SCHIP1: variants seen among roughly 807,000 people sequenced by gnomAD.
SCHIP1 encodes schwannomin-interacting protein 1.
In SCHIP1, 8 loss-of-function variants were observed where a neutral mutation model predicts 29.7. That is an observed-to-expected ratio of 0.27 (90% CI 0.16 to 0.49). The LOEUF is 0.49. SCHIP1 is among the 20% of genes least tolerant of loss of function. The pLI is 0.99. For missense variants in SCHIP1, 193 were observed against 294.6 expected, an observed-to-expected ratio of 0.66 and a Z score of 2.52; for synonymous variants, 76 against 94.9, an observed-to-expected ratio of 0.80 and a Z score of 1.16.
chr3:159,782,200 A>G, the SCHIP1 span, among the ~76,000 whole-genome samples: 1 of 152,242 alleles, frequency 6.6e-6, no homozygotes, highest in Non-Finnish European at 1.5e-5. Flanking sequence ...AGGGTGCTCA[A>G]GCTATGGCAG....
At chr3:159,678,011 T>C in the SCHIP1 span, among the ~76,000 whole-genome samples, 2 of 152,348 alleles carry the variant, frequency 1.3e-5, no homozygotes, top group African/African-American at 4.8e-5. Context: ...CTCAAGCCCA[T>C]CTTCAAAAGA....
At chr3:159,467,419 C>T in the SCHIP1 span, among the ~76,000 whole-genome samples, 1 of 151,246 alleles carries the variant, frequency 6.6e-6, no homozygotes, top group South Asian at 2.1e-4. Context: ...AATAGAGGAA[C>T]CAAAAGCACA....
chr3:159,587,518 G>A, the SCHIP1 span, among the ~76,000 whole-genome samples: 3 of 151,972 alleles, frequency 2.0e-5, no homozygotes, highest in South Asian at 2.1e-4. Flanking sequence ...CGTGCACAAC[G>A]TGCAGGTTTG....
At chr3:159,759,606 C>T in the SCHIP1 span, among the ~76,000 whole-genome samples, 1 of 152,110 alleles carries the variant, frequency 6.6e-6, no homozygotes. Context: ...AGAGATAGGG[C>T]CAGAAACAAA....
chr3:159,282,953 T>G, the SCHIP1 span, among the ~76,000 whole-genome samples: 2 of 151,872 alleles, frequency 1.3e-5, no homozygotes, highest in African/African-American at 4.8e-5. Flanking sequence ...TCTACAATTG[T>G]ATAGTTAAGA....
the SCHIP1 span, among the ~76,000 whole-genome samples, chr3:159,531,277 C>G: frequency 6.6e-6 from 1 of 152,140 alleles, no homozygotes; most frequent in East Asian, 1.9e-4. Context: ...CAAATGATTC[C>G]TAGAGATGTT....
chr3:159,329,742 G>A, the SCHIP1 span, among the ~76,000 whole-genome samples: 4 of 151,904 alleles, frequency 2.6e-5, no homozygotes, highest in African/African-American at 9.7e-5. Context: ...GTTAACAATC[G>A]AAAACTGTAT....
chr3:159,663,993 A>G, the SCHIP1 span, among the ~76,000 whole-genome samples: 1 of 152,244 alleles, frequency 6.6e-6, no homozygotes, highest in Non-Finnish European at 1.5e-5. Context: ...TGTGAAAAAT[A>G]AAAACAAAGT....
At chr3:159,818,686 C>T in the SCHIP1 span, among the ~76,000 whole-genome samples, 1 of 152,250 alleles carries the variant, frequency 6.6e-6, no homozygotes, top group African/African-American at 2.4e-5. Context: ...CTTCATACTG[C>T]AAGCAGCACT....
chr3:159,620,884 C>T, the SCHIP1 span, among the ~76,000 whole-genome samples: 1 of 152,196 alleles, frequency 6.6e-6, no homozygotes, highest in Non-Finnish European at 1.5e-5. Context: ...AATTATTCTT[C>T]TCATGGCATC....
chr3:159,847,393 G>A (rs1054863003), intron 1 of SCHIP1, among the ~76,000 whole-genome samples: 1 of 152,086 alleles, frequency 6.6e-6, no homozygotes, highest in Non-Finnish European at 1.5e-5. Context: ...TGAAATCTTG[G>A]TGTACTTAGT....
the SCHIP1 span, among the ~76,000 whole-genome samples, chr3:159,548,289 T>G: frequency 2.0e-4 from 31 of 152,068 alleles, no homozygotes; most frequent in African/African-American, 7.5e-4. Flanking sequence ...AGTTAGAATT[T>G]TATGTAGTAT....
At chr3:159,829,067 C>G in the SCHIP1 span, among the ~76,000 whole-genome samples, 10 of 152,178 alleles carry the variant, frequency 6.6e-5, 1 homozygote, top group South Asian at 4.1e-4. Context: ...AAATTGGGGA[C>G]GAAACGATGT....
chr3:159,538,517 C>G, the SCHIP1 span, among the ~76,000 whole-genome samples: 10 of 152,134 alleles, frequency 6.6e-5, no homozygotes, highest in African/African-American at 2.2e-4. Context: ...TCTTGTGTGA[C>G]AGTAGCAATA....
the SCHIP1 span, among the ~76,000 whole-genome samples, chr3:159,369,151 A>T: frequency 6.6e-6 from 1 of 152,176 alleles, no homozygotes; most frequent in Non-Finnish European, 1.5e-5. Flanking sequence ...CAAAAATTGT[A>T]TGATATCAAT....
chr3:159,472,758 T>G, the SCHIP1 span, among the ~76,000 whole-genome samples: 1 of 152,074 alleles, frequency 6.6e-6, no homozygotes, highest in South Asian at 2.1e-4. Context: ...CTGTAAAACT[T>G]AAGGAGCCAC....
the SCHIP1 span, among the ~76,000 whole-genome samples, chr3:159,572,007 TC>T: frequency 1.3e-5 from 2 of 152,178 alleles, no homozygotes; most frequent in Admixed American, 1.3e-4. Flanking sequence ...TCTATTTGAT[TC>T]TTCTCTCTTT....
chr3:159,718,002 T>C, the SCHIP1 span, among the ~76,000 whole-genome samples: 6 of 152,142 alleles, frequency 3.9e-5, no homozygotes, highest in Admixed American at 3.9e-4. Context: ...GCGAACCAAA[T>C]CCAGCAGCAC....
chr3:159,777,827 C>G, the SCHIP1 span, among the ~76,000 whole-genome samples: 1 of 152,148 alleles, frequency 6.6e-6, no homozygotes, highest in Non-Finnish European at 1.5e-5. Context: ...TTAATTTTAG[C>G]TGTCGTACAT....
Sources: gnomAD v4.1 joint callset for allele counts (sites outside exome capture counted in the v4.1 genomes callset) on GRCh38, gnomAD v4.1.1 for gene constraint, MANE v1.5 for transcripts, NCBI Gene and HGNC (gene_info 2026-07-23, HGNC 2026-07-21) for gene names.